The following PRELID2 variants were observed in gnomAD, a reference collection of about 807,000 sequenced individuals.
PRELID2 encodes PRELI domain containing 2.
PRELID2 carries 25 observed loss-of-function variants against 28.4 expected under a neutral mutation model. The observed-to-expected ratio is 0.88, with a 90% CI of 0.64 to 1.23. The LOEUF is 1.23. PRELID2 is among the 50% of genes most tolerant of loss of function. The probability of loss-of-function intolerance (pLI) is 0.00; values close to 1 mark genes in which losing one functional copy is unlikely to be tolerated. For synonymous variants in PRELID2, 76 were observed against 71.6 expected (o/e 1.06, Z -0.31); for missense variants, 201 against 214.4 (o/e 0.94, Z 0.39).
the PRELID2 span, among the ~76,000 whole-genome samples, chr5:145,387,165 A>G: frequency 1.3e-5 from 2 of 152,220 alleles, no homozygotes; most frequent in Non-Finnish European, 2.9e-5. Flanking sequence ...TCAATTTGTG[A>G]TACCATCAAA....
chr5:145,417,291 G>T, the PRELID2 span, among the ~76,000 whole-genome samples: 1 of 152,096 alleles, frequency 6.6e-6, no homozygotes, highest in East Asian at 1.9e-4. Context: ...AAGACCAGAT[G>T]AATTCACAGC....
At chr5:145,287,307 A>C in the PRELID2 span, among the ~76,000 whole-genome samples, 1 of 152,186 alleles carries the variant, frequency 6.6e-6, no homozygotes, top group Non-Finnish European at 1.5e-5. Context: ...AGAATAGGAT[A>C]ATTATAACAA....
the PRELID2 span, among the ~76,000 whole-genome samples, chr5:145,308,510 G>T: frequency 6.6e-6 from 1 of 152,098 alleles, no homozygotes; most frequent in Non-Finnish European, 1.5e-5. Context: ...ACCAATTCAA[G>T]AGTCTATTCT....
intron 1 of PRELID2, among the ~76,000 whole-genome samples, chr5:145,684,028 A>ACTT (rs758045041): frequency 3.3e-5 from 5 of 152,180 alleles, no homozygotes; most frequent in Non-Finnish European, 5.9e-5. Flanking sequence ...ACAAATGTTA[A>ACTT]CTTCTACATC....
the PRELID2 span, among the ~76,000 whole-genome samples, chr5:145,248,659 T>TACA: frequency 2.0e-4 from 30 of 152,192 alleles, no homozygotes; most frequent in African/African-American, 7.2e-4. Context: ...TAGCTGGGCA[T>TACA]GGTGGTGCAC....
intron 1 of PRELID2, among the ~76,000 whole-genome samples, chr5:145,626,608 T>C (rs1035545782): frequency 6.6e-6 from 1 of 151,990 alleles, no homozygotes; most frequent in African/African-American, 2.4e-5. Context: ...TGGAAAACAG[T>C]ATGGAGATTT....
chr5:145,708,867 C>T (rs185369205), intron 1 of PRELID2, among the ~76,000 whole-genome samples: 3 of 152,222 alleles, frequency 2.0e-5, no homozygotes, highest in African/African-American at 4.8e-5. Context: ...CATTCTCAGT[C>T]GGGTGGGACA....
the PRELID2 span, among the ~76,000 whole-genome samples, chr5:145,460,558 G>A: frequency 6.6e-6 from 1 of 152,096 alleles, no homozygotes; most frequent in African/African-American, 2.4e-5. Context: ...TCTGTATCAA[G>A]ACTTGCTTAG....
intron 1 of PRELID2, among the ~76,000 whole-genome samples, chr5:145,508,257 C>CAGACAGATAGAT (rs147106499): frequency 2.7e-3 from 408 of 149,620 alleles, no homozygotes; most frequent in African/African-American, 5.0e-3. Flanking sequence ...TTTGCATAGA[C>CAGACAGATAGAT]AGATAGATAG....
At chr5:145,401,078 C>G in the PRELID2 span, among the ~76,000 whole-genome samples, 1 of 152,080 alleles carries the variant, frequency 6.6e-6, no homozygotes, top group Non-Finnish European at 1.5e-5. Flanking sequence ...TTATCCATCC[C>G]CAGACAGAAG....
the PRELID2 span, among the ~76,000 whole-genome samples, chr5:145,416,505 C>T: frequency 0.025 from 3,844 of 151,884 alleles, 138 homozygotes; most frequent in African/African-American, 0.081. Context: ...AGAAAATTTT[C>T]GCAACCTACT....
intron 1 of PRELID2, among the ~76,000 whole-genome samples, chr5:145,737,704 C>T (rs1756536427): frequency 4.6e-5 from 7 of 151,732 alleles, no homozygotes; most frequent in Admixed American, 4.6e-4. Context: ...AGCTAAATAC[C>T]ATAGAAAAAA....
the PRELID2 span, among the ~76,000 whole-genome samples, chr5:145,425,967 A>G: frequency 6.6e-6 from 1 of 152,120 alleles, no homozygotes; most frequent in Non-Finnish European, 1.5e-5. Flanking sequence ...GAGCCCCCTC[A>G]TCATCATTAT....
intron 1 of PRELID2, among the ~76,000 whole-genome samples, chr5:145,709,139 T>C (rs2149708499): frequency 6.6e-6 from 1 of 152,264 alleles, no homozygotes; most frequent in South Asian, 2.1e-4. Context: ...TCTTGCGTCT[T>C]TTCCTGGACC....
At chr5:145,627,257 A>G (rs1272991334) in intron 1 of PRELID2, among the ~76,000 whole-genome samples, 1 of 152,076 alleles carries the variant, frequency 6.6e-6, no homozygotes, top group Admixed American at 6.6e-5. Flanking sequence ...GAAATGATTC[A>G]GAAACATAAA....
At chr5:145,377,953 T>G in the PRELID2 span, among the ~76,000 whole-genome samples, 1 of 152,086 alleles carries the variant, frequency 6.6e-6, no homozygotes, top group Non-Finnish European at 1.5e-5. Flanking sequence ...GTATCACTGG[T>G]CTTCCTTCAA....
chr5:145,795,921 G>A (rs1366908664), intron 5 of PRELID2: 1 of 152,218 alleles, frequency 6.6e-6, no homozygotes, highest in Non-Finnish European at 1.5e-5. Flanking sequence ...TCACTTTCAT[G>A]GAAGCCTAAG....
chr5:145,470,606 C>T (rs964740808), downstream of PRELID2, among the ~76,000 whole-genome samples: 5 of 152,100 alleles, frequency 3.3e-5, no homozygotes, highest in Non-Finnish European at 7.4e-5. Context: ...AGCAGGGATA[C>T]ACCACCTCAT....
intron 5 of PRELID2, among the ~76,000 whole-genome samples, chr5:145,790,361 G>A (rs550515370): frequency 6.6e-6 from 1 of 152,210 alleles, no homozygotes; most frequent in African/African-American, 2.4e-5. Flanking sequence ...GATAAACCTG[G>A]AGAACATTAT....
Sources: gnomAD v4.1 joint callset for allele counts (sites outside exome capture counted in the v4.1 genomes callset) on GRCh38, gnomAD v4.1.1 for gene constraint, MANE v1.5 for transcripts, NCBI Gene and HGNC (gene_info 2026-07-23, HGNC 2026-07-21) for gene names.